The following PRPF6 variants were observed in gnomAD, a reference collection of about 807,000 sequenced individuals.
PRPF6 encodes pre-mRNA processing factor 6.
A neutral mutation model predicts 118.3 loss-of-function variants in PRPF6; 42 were observed. That is an observed-to-expected ratio of 0.35 (90% CI 0.28 to 0.46). The LOEUF (loss-of-function observed/expected upper bound fraction) is 0.46, where lower values mean the gene tolerates loss of function less well. Ranked by LOEUF, PRPF6 falls within the 20% of genes least tolerant of loss-of-function variation. The pLI is 1.00. For missense variants in PRPF6, 662 were observed against 1,255.7 expected, an observed-to-expected ratio of 0.53 and a Z score of 7.15; for synonymous variants, 481 against 485.1, an observed-to-expected ratio of 0.99 and a Z score of 0.11.
intron 12 of PRPF6, among the ~76,000 whole-genome samples, chr20:64,018,499 T>C (rs75055786): frequency 0.013 from 1,967 of 152,310 alleles, 52 homozygotes; most frequent in African/African-American, 0.045. Flanking sequence ...GTGTTTCCAC[T>C]GTATGGTTGC....
Position 64,026,652 on chromosome 20 carries a change from T to G in PRPF6, c.2029-330T>G, listed in dbSNP as rs148279128. 3.4e-3 allele frequency among the ~76,000 whole-genome samples: 512 copies of G among 151,454 alleles called. 3 individuals carry two copies. The highest frequency in any genetic ancestry group is 0.012 in the African/African-American group (494 of 41,200). On this transcript the variant is annotated intron_variant, in intron 15 of 20. Transcript: ENST00000266079. The surrounding 1 kb of genome is among the most constrained non-coding windows in gnomAD (Gnocchi z 4.4). ...ACCAACTCTGCTAAAAATACAAAAT[T>G]AGCTGGGTGTGGTGGCTTGCACCTG... is the stretch of plus-strand genomic sequence containing the variant.
intron 12 of PRPF6, among the ~76,000 whole-genome samples, chr20:64,018,107 G>A (rs552292094): frequency 1.3e-5 from 2 of 152,280 alleles, no homozygotes; most frequent in Non-Finnish European, 2.9e-5. Context: ...GAGGTGGGAG[G>A]ATCACTTGAG....
At chr20:63,987,191 G>GA (rs1461959188) in intron 3 of PRPF6, among the ~76,000 whole-genome samples, 1 of 142,048 alleles carries the variant, frequency 7.0e-6, no homozygotes, top group Admixed American at 7.0e-5. Flanking sequence ...AAAAAAAAAG[G>GA]GGGGGGGAGC....
intron 4 of PRPF6, 113 bp from the exon 5 acceptor site, chr20:63,994,803 T>C: frequency 7.3e-7 from 1 of 1,375,658 alleles, no homozygotes. Flanking sequence ...TGCATCCAAA[T>C]CCCTTCTAAA....
chr20:63,987,191 G>T (rs866557276), intron 3 of PRPF6, among the ~76,000 whole-genome samples: 43 of 142,114 alleles, frequency 3.0e-4, no homozygotes, highest in East Asian at 1.2e-3. Context: ...AAAAAAAAAG[G>T]GGGGGGGAGC....
rs897047061 is a variant in PRPF6 at position 64,005,174 on chromosome 20, G to A, written c.1186+3935G>A. Among the ~76,000 whole-genome samples, 4 of 152,230 alleles carry A rather than the reference G, an allele frequency of 2.6e-5. No homozygotes were observed. In the East Asian group the frequency reaches 7.7e-4, roughly 29 times the overall value. On this transcript the variant is annotated intron_variant, in intron 9 of 20. Transcript: ENST00000266079. The stretch of plus-strand genomic sequence containing the variant: ...TGCCATGTGGCTTCCGAAAGCACCT[G>A]GGGAAGGTGACCTTGTTGGTTTTAG...
chr20:64,021,552 GTGTGTGTGT>G (rs2059263784), intron 12 of PRPF6, among the ~76,000 whole-genome samples: 1 of 148,566 alleles, frequency 6.7e-6, no homozygotes. Flanking sequence ...CCGTGTCTGT[GTGTGTGTGT>G]CTGTGTGTGT....
chr20:64,016,271 C>T (rs1337337950), intron 11 of PRPF6, among the ~76,000 whole-genome samples: 1 of 151,942 alleles, frequency 6.6e-6, no homozygotes, highest in African/African-American at 2.4e-5. Flanking sequence ...TACGGGCACC[C>T]ACCACCACGC....
chr20:63,998,789 C>A (rs984393206), intron 6 of PRPF6, among the ~76,000 whole-genome samples: 2 of 151,094 alleles, frequency 1.3e-5, no homozygotes, highest in African/African-American at 4.9e-5. Flanking sequence ...TTGCAGTGAG[C>A]CGAGATTGCA....
intron 3 of PRPF6, among the ~76,000 whole-genome samples, chr20:63,988,303 G>A (rs1471908206): frequency 6.6e-6 from 1 of 151,114 alleles, no homozygotes; most frequent in Non-Finnish European, 1.5e-5. Flanking sequence ...CTGAGTGACG[G>A]GGCAAGACTC....
intron 9 of PRPF6, among the ~76,000 whole-genome samples, chr20:64,004,878 G>C (rs924103990): frequency 6.6e-6 from 1 of 152,138 alleles, no homozygotes; most frequent in Non-Finnish European, 1.5e-5. Context: ...TTACACTAAC[G>C]CCATATGCTC....
At position 64,027,615 on chromosome 20, in the gene PRPF6, C is replaced by G. The variant is rs1444639193; in HGVS notation, c.2218C>G (p.Pro740Ala). 2.5e-6 allele frequency: 4 copies of G among 1,614,014 alleles called. No homozygotes were observed. Among genetic ancestry groups the G allele is most frequent in the Non-Finnish European group, 2.5e-6 (3 of 1,180,042 alleles). Residue 740 changes from proline to alanine, a missense_variant, in exon 17 of 21, where the codon CCC becomes GCC. By Grantham distance (27) the Pro-to-Ala change is conservative (BLOSUM62 -1). Transcript: ENST00000266079. This position sits in a 1 kb window ranked among gnomAD's most constrained non-coding sequence, Gnocchi z 6.5. ...EAYNQGLKKC[P>A]HSTPLWLLLS... Reference sequence around the variant, plus strand: ...TTGTTGGTTGCAGTTGAAGAAGTGTCCCCACTCCACACCCCTGTGGCTTTT... The same window carrying G: ...TTGTTGGTTGCAGTTGAAGAAGTGTGCCCACTCCACACCCCTGTGGCTTTT...
intron 3 of PRPF6, among the ~76,000 whole-genome samples, chr20:63,991,336 C>T (rs554475431): frequency 6.6e-6 from 1 of 152,064 alleles, no homozygotes; most frequent in African/African-American, 2.4e-5. Context: ...GCAGGAGCAT[C>T]GCTTGAGCCT....
intron 1 of PRPF6, 102 bp from the exon 2 acceptor site, chr20:63,982,945 A>G: frequency 3.6e-6 from 5 of 1,383,454 alleles, no homozygotes; most frequent in Non-Finnish European, 5.0e-6. Context: ...AGGTTTCCCA[A>G]AGGTGTTAGA....
Position 63,999,703 on chromosome 20 carries a change from G to A in PRPF6, c.967G>A (p.Gly323Arg). ...ATCAGCCCGCCTGGAAGAAGTCACT[G>A]GGAAGCTACAAGTAGCTCGGAACCT... ...IASARLEEVT[G>R]KLQVARNLIM... is the part of the protein sequence containing the mutation. Residue 323 changes from glycine to arginine, a missense_variant, in exon 8 of 21, where the codon GGG (glycine) becomes AGG (arginine). Physicochemically the swap from Gly to Arg is moderately radical, Grantham distance 125. Transcript: ENST00000266079. 6.2e-7 allele frequency: 1 copy of A among 1,614,214 alleles called. No homozygotes were observed. The highest frequency in any genetic ancestry group is 8.5e-7 in the Non-Finnish European group (1 of 1,180,046).
chr20:64,022,730 C>T (rs1163751848), intron 12 of PRPF6, 27 bp from the exon 13 acceptor site: 2 of 1,613,746 alleles, frequency 1.2e-6, no homozygotes, highest in Non-Finnish European at 1.7e-6. Context: ...GCTGGGCTGC[C>T]CATTCTCATG....
At chr20:63,989,082 T>C (rs2059107429) in intron 3 of PRPF6, among the ~76,000 whole-genome samples, 1 of 151,856 alleles carries the variant, frequency 6.6e-6, no homozygotes, top group Non-Finnish European at 1.5e-5. Flanking sequence ...CAGAAACAAA[T>C]AGGTACCTCT....
At chr20:63,986,595 TCTC>T (rs1246046255) in intron 3 of PRPF6, among the ~76,000 whole-genome samples, 5 of 150,606 alleles carry the variant, frequency 3.3e-5, no homozygotes, top group Admixed American at 3.3e-4. Context: ...TTCAAGTGAT[TCTC>T]CTGCCTCAGC....
At chr20:63,982,631 TG>T (rs1473814631) in intron 1 of PRPF6, among the ~76,000 whole-genome samples, 1 of 152,136 alleles carries the variant, frequency 6.6e-6, no homozygotes, top group Non-Finnish European at 1.5e-5. Context: ...CATTAGTACT[TG>T]GGGACAGACA....
Sources: allele counts gnomAD v4.1 joint callset (sites outside exome capture counted in the v4.1 genomes callset), GRCh38; gene constraint gnomAD v4.1.1; non-coding constraint Gnocchi (gnomAD v3.1); transcripts MANE v1.5; gene names NCBI Gene and HGNC (gene_info 2026-07-23, HGNC 2026-07-21).